Variants in COMMD2 observed in about 807,000 individuals in gnomAD.
COMMD2 encodes the protein COMM domain containing 2.
Under a neutral mutation model 22.5 loss-of-function variants are expected in COMMD2, and 25 were observed. That is an observed-to-expected ratio of 1.11 (90% CI 0.81 to 1.55). The LOEUF (loss-of-function observed/expected upper bound fraction) is 1.55, where lower values mean the gene tolerates loss of function less well. Ranked by LOEUF, COMMD2 falls within the 40% of genes most tolerant of loss-of-function variation. The pLI, the probability that COMMD2 is intolerant of heterozygous loss-of-function variation, is 0.00. For synonymous variants in COMMD2, 98 were observed against 91.2 expected, an observed-to-expected ratio of 1.07 and a Z score of -0.42; for missense variants, 223 against 232.9, an observed-to-expected ratio of 0.96 and a Z score of 0.28.
intron 2 of COMMD2, 159 bp downstream of exon 2, chr3:149,752,051 G>A (rs759350681): frequency 1.9e-5 from 11 of 590,652 alleles, no homozygotes; most frequent in Non-Finnish European, 3.3e-5. Context: ...TAAGGGACGG[G>A]CAGGATTTGC....
chr3:149,741,779 AT>A, intron 4 of COMMD2, 61 bp from the exon 5 acceptor site: 1 of 1,235,034 alleles, frequency 8.1e-7, no homozygotes, highest in East Asian at 2.3e-5. Context: ...AATACATAAT[AT>A]TTATAATTAT....
At position 149,738,654 on chromosome 3, in the gene COMMD2, C is replaced by T. The variant is rs1716124757; in HGVS notation, c.*2867G>A. 1.3e-5 allele frequency: 2 copies of T among 152,028 alleles called. No homozygotes were observed. Among genetic ancestry groups the T allele is most frequent in the South Asian group, 4.1e-4 (2 of 4,824 alleles). 9.4% of individuals were successfully genotyped at this position (152,028 alleles called of 1,614,324 possible). ...TTTATCAAGGACCCATAATAATCCA[C>T]AGAACCTAAATTCAAATCCTTTTGT... On this transcript the variant is annotated 3_prime_UTR_variant, in exon 5 of 5. Coordinates refer to ENST00000473414, the MANE Select transcript of COMMD2 (RefSeq NM_016094.4).
At chr3:149,748,192 G>A (rs931640808) in intron 4 of COMMD2, among the ~76,000 whole-genome samples, 1 of 152,144 alleles carries the variant, frequency 6.6e-6, no homozygotes, top group South Asian at 2.1e-4. Flanking sequence ...CTGTAGATAA[G>A]AGCATGGGTA....
intron 4 of COMMD2, among the ~76,000 whole-genome samples, chr3:149,745,381 T>A (rs1384903031): frequency 6.6e-6 from 1 of 152,154 alleles, no homozygotes; most frequent in Admixed American, 6.5e-5. Context: ...ATGCCTATTA[T>A]ATGCCAGGTA....
At position 149,751,415 on chromosome 3, in the gene COMMD2, G is replaced by C. The variant is rs767153572; in HGVS notation, c.216C>G (p.Ser72Arg). ...GAAAATCCCTTACCATGAGCTTTGA[G>C]CTCTCAGTGAGGAGATACGTTAATC... ...VEGLTYLLTE[S>R]SKLMISELDF... The change falls in exon 3 of 5, where the codon AGC becomes AGG. Residue 72 changes from serine (S) to arginine (R), a missense_variant. Physicochemically the swap from Ser to Arg is moderately radical, Grantham distance 110 (BLOSUM62 -1). Coordinates refer to ENST00000473414, the MANE Select transcript of COMMD2 (RefSeq NM_016094.4). The C allele has an allele frequency of 6.2e-7, 1 of 1,614,040 alleles. No homozygotes were observed. Among genetic ancestry groups the C allele is most frequent in the Non-Finnish European group, 8.5e-7 (1 of 1,179,926 alleles).
chr3:149,745,502 T>C (rs899632925), intron 4 of COMMD2, among the ~76,000 whole-genome samples: 37 of 152,324 alleles, frequency 2.4e-4, no homozygotes, highest in African/African-American at 8.9e-4. Context: ...TCATCACACT[T>C]GATTATAATT....
intron 4 of COMMD2, among the ~76,000 whole-genome samples, chr3:149,746,499 C>T (rs774487068): frequency 3.9e-5 from 6 of 151,940 alleles, no homozygotes; most frequent in Non-Finnish European, 5.9e-5. Flanking sequence ...AGGCCGGGTA[C>T]GGTGGCTTAC....
intron 4 of COMMD2, among the ~76,000 whole-genome samples, chr3:149,742,100 T>A (rs1716246192): frequency 6.6e-6 from 1 of 152,050 alleles, no homozygotes; most frequent in Admixed American, 6.6e-5. Context: ...TGAACTCCTC[T>A]GATTTAATAA....
In COMMD2 at chr3:149,752,476, C is replaced by A. The variant is rs745747875; in HGVS notation, c.-32G>T. 2 of 1,591,696 alleles carry A rather than the reference C, an allele frequency of 1.3e-6. No individual in the cohort carries two copies. Among genetic ancestry groups the A allele is most frequent in the Admixed American group, 3.5e-5 (2 of 56,918 alleles). On this transcript the variant is annotated 5_prime_UTR_variant, in exon 1 of 5. Coordinates refer to ENST00000473414, the MANE Select transcript of COMMD2 (RefSeq NM_016094.4). ...TGTCCTACGATTTCACCCGGCAGCG[C>A]CGACCCCGCCTTCGCCACTTCCGGC...
At chr3:149,747,947 C>T (rs1254648083) in intron 4 of COMMD2, among the ~76,000 whole-genome samples, 1 of 55,996 alleles carries the variant, frequency 1.8e-5, no homozygotes, top group African/African-American at 7.6e-5. Context: ...GACTCCATCT[C>T]AAAAAAAAAA....
intron 4 of COMMD2, 134 bp downstream of exon 4, chr3:149,750,544 G>T: frequency 1.7e-6 from 1 of 587,048 alleles, no homozygotes; most frequent in Non-Finnish European, 3.0e-6. Context: ...TTGTGAAATG[G>T]CTTAAAAATG....
At chr3:149,742,096 CCT>C (rs1716246113) in intron 4 of COMMD2, among the ~76,000 whole-genome samples, 1 of 151,838 alleles carries the variant, frequency 6.6e-6, no homozygotes, top group African/African-American at 2.4e-5. Context: ...TGTGTGAACT[CCT>C]CTGATTTAAT....
At chr3:149,744,610 T>C (rs1337800351) in intron 4 of COMMD2, among the ~76,000 whole-genome samples, 1 of 152,244 alleles carries the variant, frequency 6.6e-6, no homozygotes. Flanking sequence ...TGTCCATCAC[T>C]ACCAGTCTCC....
chr3:149,750,372 CT>C, intron 4 of COMMD2: 1 of 469,780 alleles, frequency 2.1e-6, no homozygotes. Flanking sequence ...GACCTGTGCA[CT>C]TTTCTACATC....
At chr3:149,750,269 G>A in intron 4 of COMMD2, 1 of 235,122 alleles carries the variant, frequency 4.3e-6, no homozygotes, top group Non-Finnish European at 9.0e-6. Flanking sequence ...TTAGAAAGGA[G>A]TGAAGGGGCA....
chr3:149,745,801 T>C (rs1418916161), intron 4 of COMMD2, among the ~76,000 whole-genome samples: 1 of 152,208 alleles, frequency 6.6e-6, no homozygotes, highest in Non-Finnish European at 1.5e-5. Flanking sequence ...GTAAGACAGG[T>C]ACATCTTTCT....
chr3:149,747,249 G>C (rs1047879177), intron 4 of COMMD2, among the ~76,000 whole-genome samples: 1 of 152,316 alleles, frequency 6.6e-6, no homozygotes, highest in East Asian at 1.9e-4. Context: ...AGAATCCCAA[G>C]AATATGGGGA....
At chr3:149,741,883 A>G (rs570235173) in intron 4 of COMMD2, among the ~76,000 whole-genome samples, 165 bp from the exon 5 acceptor site, 13 of 152,274 alleles carry the variant, frequency 8.5e-5, no homozygotes, top group African/African-American at 2.9e-4. Flanking sequence ...AATAATGAGA[A>G]TATATACCAA....
chr3:149,752,339 C>CT (rs768046794), intron 1 of COMMD2, 39 bp downstream of exon 1: 20 of 1,613,770 alleles, frequency 1.2e-5, no homozygotes, highest in Non-Finnish European at 1.6e-5. Flanking sequence ...CTTTGACCTC[C>CT]TCCCCAGCCC....
Sources: gnomAD v4.1 joint callset for allele counts (sites outside exome capture counted in the v4.1 genomes callset) on GRCh38, gnomAD v4.1.1 for gene constraint, MANE v1.5 for transcripts, NCBI Gene and HGNC (gene_info 2026-07-23, HGNC 2026-07-21) for gene names.